The following BAG6 variants were observed in gnomAD, a reference collection of about 807,000 sequenced individuals.
BAG6 encodes BAG cochaperone 6.
Under a neutral mutation model 121.0 loss-of-function variants are expected in BAG6, and 22 were observed. The observed-to-expected ratio is 0.18, with a 90% CI of 0.13 to 0.26. The LOEUF (loss-of-function observed/expected upper bound fraction) is 0.26. Ranked by LOEUF, BAG6 falls within the 10% of genes least tolerant of loss-of-function variation. The probability of loss-of-function intolerance (pLI) is 1.00; values close to 1 mark genes in which losing one functional copy is unlikely to be tolerated. For missense variants in BAG6, 1,233 were observed against 1,537.7 expected, an observed-to-expected ratio of 0.80 and a Z score of 3.31; for synonymous variants, 583 against 584.6, an observed-to-expected ratio of 1.00 and a Z score of 0.04.
At chr6:31,646,289 T>C in intron 8 of BAG6, 105 bp downstream of exon 8, 10 of 1,488,040 alleles carry the variant, frequency 6.7e-6, no homozygotes, top group Non-Finnish European at 9.1e-7. Context: ...CCTGGCCCTG[T>C]TGCAATGTTT....
In BAG6 at chr6:31,639,065, C is replaced by G; in HGVS notation, c.*66G>C. 7.2e-7 allele frequency: 1 copy of G among 1,384,696 alleles called. No homozygotes were observed. The highest frequency in any genetic ancestry group is 1.0e-6 in the Non-Finnish European group (1 of 998,570). 85.8% of individuals were successfully genotyped at this position (1,384,696 alleles called of 1,614,324 possible). A position where few individuals can be genotyped will look rare whatever the true frequency, so the allele number is the denominator to read the frequency against. ...AGCCAGAAAAATCCGACTTTTATTT[C>G]TTAAATACTGTGAAGGAAGAGGGGG... On this transcript the variant is annotated 3_prime_UTR_variant, in exon 26 of 26. Transcript: ENST00000676615.
chr6:31,642,939 G>C lies in BAG6; in HGVS notation c.1933C>G (p.Leu645Val), dbSNP rs1441702251. The C allele has an allele frequency of 2.5e-6, 4 of 1,608,066 alleles. No individual in the cohort carries two copies. In the Admixed American group the frequency reaches 6.8e-5, roughly 27 times the overall value. Residue 645 changes from leucine to valine, a missense_variant, in exon 15 of 26, where the codon CTA becomes GTA. Coordinates refer to ENST00000676615, the MANE Select transcript of BAG6 (RefSeq NM_001387994.1). ...LQFSQLLGNLLGPAGPGAGGS... is the reference protein window; with the variant it reads ...LQFSQLLGNLVGPAGPGAGGS... ...CCAGCCCCTGGCCCTGCAGGCCCTA[G>C]CAGGTTCCCCAGAAGCTGAGAGAAC...
Position 31,647,791 on chromosome 6 carries a change from C to A in BAG6, c.588G>T (p.Pro196=). ...RGGPQPQHSQ[P]PPQPPAVTPE... ...GGGTCACAGCCGGTGGCTGCGGGGG[C>A]GGCTGACTGTGCTGCGGTTGGGGCC... is the stretch of plus-strand genomic sequence containing the variant. Residue 196 remains proline (P), a synonymous_variant, in exon 7 of 26, where the codon CCG becomes CCT. Coordinates refer to ENST00000676615, the MANE Select transcript of BAG6 (RefSeq NM_001387994.1). 3 of 1,577,092 alleles carry A rather than the reference C, an allele frequency of 1.9e-6. No homozygotes were observed. Among genetic ancestry groups the A allele is most frequent in the Non-Finnish European group, 2.6e-6 (3 of 1,165,610 alleles).
In BAG6 at chr6:31,640,334, G is replaced by A. The variant is rs570334186; in HGVS notation, c.3139-28C>T. 8 of 1,614,176 alleles carry A rather than the reference G, an allele frequency of 5.0e-6. No individual in the cohort carries two copies. In the East Asian group the frequency reaches 1.6e-4, roughly 31 times the overall value. ...GGGGAGGAAAAGAGAAAATAGTAAT[G>A]TCCTTGACTTTCAGCTGCCATGACC... is the stretch of plus-strand genomic sequence containing the variant. On this transcript the variant is annotated intron_variant, in intron 23 of 25. Transcript: ENST00000676615. The surrounding 1 kb of genome is among the most constrained non-coding windows in gnomAD (Gnocchi z 4.2).
chr6:31,645,586 C>A lies in BAG6; in HGVS notation c.937G>T (p.Asp313Tyr), dbSNP rs1212263491. The A allele has an allele frequency of 1.2e-6, 2 of 1,613,122 alleles. No individual in the cohort carries two copies. Among genetic ancestry groups the A allele is most frequent in the Admixed American group, 1.7e-5 (1 of 60,022 alleles). ...YNNNHEGREE[D>Y]QRLINLVGES... Reference sequence around the variant, plus strand: ...CCTACCAAGTTGATCAACCGCTGATCCTCCTCCCGGCCCTCGTGCTGCGCA... The same window carrying A: ...CCTACCAAGTTGATCAACCGCTGATACTCCTCCCGGCCCTCGTGCTGCGCA... Residue 313 changes from aspartate (D) to tyrosine (Y), a missense_variant, in exon 9 of 26, where the codon GAT becomes TAT. Asp to Tyr is a radical substitution (Grantham distance 160). Around this residue, in one of 7 missense-constraint regions of BAG6, gnomAD observed 777 missense variants for 861.4 expected, o/e 0.90. Coordinates refer to ENST00000676615, the MANE Select transcript of BAG6 (RefSeq NM_001387994.1).
chr6:31,648,162 CG>C (rs1202554050), intron 6 of BAG6, among the ~76,000 whole-genome samples: 3 of 152,034 alleles, frequency 2.0e-5, no homozygotes, highest in African/African-American at 7.2e-5. Context: ...CCTACAGGCG[CG>C]TGCCACCACA....
Position 31,640,365 on chromosome 6 carries a change from G to C in BAG6, c.3138+20C>G, listed in dbSNP as rs1192202687. 6.2e-7 allele frequency: 1 copy of C among 1,614,214 alleles called. No individual in the cohort carries two copies. The highest frequency in any genetic ancestry group is 8.5e-7 in the Non-Finnish European group (1 of 1,180,040). Reference sequence around the variant, plus strand: ...GACTTTCAGCTGCCATGACCCACTGGATTACTTCCTGACACTTACTGGGGG... The same window carrying C: ...GACTTTCAGCTGCCATGACCCACTGCATTACTTCCTGACACTTACTGGGGG... On this transcript the variant is annotated intron_variant, in intron 23 of 25. Coordinates refer to ENST00000676615, the MANE Select transcript of BAG6 (RefSeq NM_001387994.1). This position sits in a 1 kb window ranked among gnomAD's most constrained non-coding sequence, Gnocchi z 4.2.
In BAG6 at chr6:31,641,526, A is replaced by C. The variant is rs759515188; in HGVS notation, c.2559+13T>G. 1.2e-6 allele frequency: 2 copies of C among 1,614,120 alleles called. No individual in the cohort carries two copies. The highest frequency in any genetic ancestry group is 4.5e-5 in the East Asian group (2 of 44,880). On this transcript the variant is annotated intron_variant, in intron 18 of 25. Transcript: ENST00000676615. The surrounding 1 kb of genome is among the most constrained non-coding windows in gnomAD (Gnocchi z 5.7). The stretch of plus-strand genomic sequence containing the variant: ...GACCCAGGAGAGGAAAGGAATAGAG[A>C]AGGGTTACTCACAAAACTCTCCCGC...
In BAG6 at chr6:31,643,033, T is replaced by C. The variant is rs1242878682; in HGVS notation, c.1839A>G (p.Thr613=). The C allele has an allele frequency of 1.9e-6, 3 of 1,588,102 alleles. No homozygotes were observed. Among genetic ancestry groups the C allele is most frequent in the Admixed American group, 3.7e-5 (2 of 54,328 alleles). ...CAGGCCCCCCAGGAGCGGGGCCAGC[T>C]GTGGTAGCTGTGTTGGTGGTGCCAG... ...ASAGTTNTAT[T]AGPAPGGPAQ... is the part of the protein sequence containing the mutation. The change falls in exon 15 of 26, where the codon ACA becomes ACG. Residue 613 remains threonine, a synonymous_variant. Transcript: ENST00000676615.
At chr6:31,649,844 G>C (rs1403732619) in intron 2 of BAG6, among the ~76,000 whole-genome samples, 1 of 152,222 alleles carries the variant, frequency 6.6e-6, no homozygotes, top group Non-Finnish European at 1.5e-5. Context: ...GCTCACACCT[G>C]TAATCCCAGC....
rs1779391246 is a variant in BAG6 at position 31,639,108 on chromosome 6, A to T, written c.*23T>A. ...AGAGGGGGGAAACGGTCCCCTGATGAGGAAGGGCCATAGAGCAAAGAGCTA... is the reference window on the plus strand; with the variant it reads ...AGAGGGGGGAAACGGTCCCCTGATGTGGAAGGGCCATAGAGCAAAGAGCTA... On this transcript the variant is annotated 3_prime_UTR_variant, in exon 26 of 26. Coordinates refer to ENST00000676615, the MANE Select transcript of BAG6 (RefSeq NM_001387994.1). 1.3e-6 allele frequency: 2 copies of T among 1,582,488 alleles called. No homozygotes were observed. The highest frequency in any genetic ancestry group is 1.1e-5 in the South Asian group (1 of 89,696).
rs1785652335 is a variant in BAG6 at position 31,643,815 on chromosome 6, G to GA, written c.1756+74dup. ...GGAAAGCAGGAACCAAGAAAATATG[G>GA]AAAGAACTGGAAAGTGCCAGTGAGC... On this transcript the variant is annotated intron_variant, in intron 14 of 25. Coordinates refer to ENST00000676615, the MANE Select transcript of BAG6 (RefSeq NM_001387994.1). The GA allele has an allele frequency of 1.5e-5, 21 of 1,433,866 alleles. No individual in the cohort carries two copies. In the East Asian group the frequency reaches 4.7e-4, roughly 32 times the overall value. The allele number at this position is 1,433,866 out of a possible 1,614,324, so 88.8% of individuals were successfully genotyped here.
chr6:31,645,154 C>A lies in BAG6; in HGVS notation c.1161G>T (p.Arg387=). 6.2e-7 allele frequency: 1 copy of A among 1,612,404 alleles called. No individual in the cohort carries two copies. ...CCTCTGCATTGGGAGTTGGGGGGGG[C>A]CGAGTCCCATTTCCTGTCATGGTCA... ...TTVTMTGNGT[R]PPPTPNAEAP... Residue 387 remains arginine, a synonymous_variant, in exon 10 of 26, where the codon CGG becomes CGT. Transcript: ENST00000676615.
rs148136430 is a variant in BAG6 at position 31,639,644 on chromosome 6, C to T, written c.3249G>A (p.Thr1083=). The change falls in exon 25 of 26, where the codon ACG becomes ACA. Residue 1083 remains threonine (T), a splice_region_variant and synonymous_variant. Transcript: ENST00000676615. ...GCAGCTGGGGGCCCTCACCCTGCAT[C>T]GTCTGGGGGACAGGGGGTTGGGAGG... The part of the protein sequence containing the change: ...LSGMPAKRRK[T]MQGEGPQLLL... 1,135 of 1,607,742 alleles carry T rather than the reference C, an allele frequency of 7.1e-4. 7 individuals carry two copies. The African/African-American group carries it at 8.9e-3, about 13-fold the overall frequency.
At chr6:31,649,787 A>C (rs1204408821) in intron 2 of BAG6, among the ~76,000 whole-genome samples, 160 bp from the exon 3 acceptor site, 1 of 152,190 alleles carries the variant, frequency 6.6e-6, no homozygotes, top group African/African-American at 2.4e-5. Flanking sequence ...CTTAAACTAA[A>C]GTAACAGCTG....
chr6:31,646,766 GTTTT>G (rs66820473), intron 7 of BAG6, among the ~76,000 whole-genome samples: 1 of 60,638 alleles, frequency 1.6e-5, no homozygotes, highest in East Asian at 5.1e-4. Context: ...GCTAATTTTT[GTTTT>G]TTTTTTTTTT....
At position 31,644,576 on chromosome 6, in the gene BAG6, G is replaced by C. The variant is rs143499629; in HGVS notation, c.1396C>G (p.Pro466Ala). The C allele has an allele frequency of 5.4e-4, 868 of 1,612,594 alleles. 1 individual carries two copies. Among genetic ancestry groups the C allele is most frequent in the Non-Finnish European group, 6.5e-4 (763 of 1,179,888 alleles). Residue 466 changes from proline (P) to alanine (A), a missense_variant, in exon 11 of 26, where the codon CCG (proline) becomes GCG (alanine). Pro to Ala is a conservative substitution (Grantham distance 27, BLOSUM62 -1). Coordinates refer to ENST00000676615, the MANE Select transcript of BAG6 (RefSeq NM_001387994.1). The surrounding 1 kb of genome is among the most constrained non-coding windows in gnomAD (Gnocchi z 4.9). ...CCCAGGGGGCCAGTGGGAGCACTCG[G>C]AACACCACCAGGCTGTGTGCCAGAA... ...QDSGTQPGGVPSAPTGPLGPP... is the reference protein window; with the variant it reads ...QDSGTQPGGVASAPTGPLGPP...
chr6:31,648,479 C>G (rs965180700), intron 6 of BAG6, among the ~76,000 whole-genome samples, 198 bp downstream of exon 6: 2 of 152,112 alleles, frequency 1.3e-5, no homozygotes, highest in African/African-American at 4.8e-5. Context: ...TCCCCAGATA[C>G]CAGGCACCAA....
chr6:31,651,722 A>G lies in BAG6; in HGVS notation c.42T>C (p.Pro14=). 1 of 1,613,088 alleles carries G rather than the reference A, an allele frequency of 6.2e-7. No homozygotes were observed. Residue 14 remains proline (P), a synonymous_variant, in exon 2 of 26, where the codon CCT becomes CCC. Transcript: ENST00000676615. ...TCTTCACCAACACCTCCAAGCTGTC[A>G]GGCTCCTCCACAGCGGTACTGGTAC... ...NDSTSTAVEE[P]DSLEVLVKTL...
Sources: gnomAD v4.1 joint callset for allele counts (sites outside exome capture counted in the v4.1 genomes callset) on GRCh38, gnomAD v4.1.1 for gene constraint, gnomAD v4.1.1 regional missense constraint, Gnocchi (gnomAD v3.1) non-coding constraint, MANE v1.5 for transcripts, NCBI Gene and HGNC (gene_info 2026-07-23, HGNC 2026-07-21) for gene names.